TEF: variants seen among roughly 807,000 people sequenced by gnomAD.
TEF encodes the protein TEF transcription factor, PAR bZIP family member.
TEF carries 3 observed loss-of-function variants against 20.8 expected under a neutral mutation model. The observed-to-expected ratio is 0.14, with a 90% confidence interval of 0.07 to 0.37. The LOEUF (loss-of-function observed/expected upper bound fraction) is 0.37. Ranked by LOEUF, TEF falls within the 10% of genes least tolerant of loss-of-function variation. The probability of loss-of-function intolerance (pLI) is 1.00; values close to 1 mark genes in which losing one functional copy is unlikely to be tolerated. For missense variants in TEF, 296 were observed against 397.9 expected (o/e 0.74, Z 2.18); for synonymous variants, 180 against 171.1 (o/e 1.05, Z -0.41).
upstream of TEF, among the ~76,000 whole-genome samples, chr22:41,381,129 C>T (rs928998637): frequency 6.6e-6 from 1 of 152,244 alleles, no homozygotes; most frequent in Non-Finnish European, 1.5e-5. Flanking sequence ...ACACCCCGCT[C>T]TAGGGCGGCC....
intron 1 of TEF, among the ~76,000 whole-genome samples, chr22:41,374,651 G>T (rs1297188356): frequency 6.6e-6 from 1 of 151,654 alleles, no homozygotes; most frequent in African/African-American, 2.4e-5. Context: ...AGCAGTTCAA[G>T]GCTGCAGTGA....
At chr22:41,381,797 C>A (rs2037027750), upstream of TEF, 1 of 1,013,024 alleles carries the variant, frequency 9.9e-7, no homozygotes, top group Non-Finnish European at 1.3e-6. Context: ...GCCCGAGGAT[C>A]TGCGCCTGCC....
At chr22:41,381,740 C>T (rs969719372), upstream of TEF, among the ~76,000 whole-genome samples, 2 of 150,886 alleles carry the variant, frequency 1.3e-5, no homozygotes, top group African/African-American at 2.4e-5. Context: ...GGGTCCTCAC[C>T]TGGCCCCGCA....
At chr22:41,382,357 G>A (rs1029809986) in intron 1 of TEF, among the ~76,000 whole-genome samples, 156 bp downstream of exon 1, 14 of 152,044 alleles carry the variant, frequency 9.2e-5, no homozygotes, top group African/African-American at 3.4e-4. Context: ...GGACGAGGCC[G>A]GGGGGCTGAG....
chr22:41,387,917 G>A (rs2037117602), intron 2 of TEF, among the ~76,000 whole-genome samples: 1 of 150,436 alleles, frequency 6.6e-6, no homozygotes, highest in Non-Finnish European at 1.5e-5. Flanking sequence ...AAACAGTCAG[G>A]ACAGGACCTT....
chr22:41,372,359 T>C (rs2036892222), intron 1 of TEF, among the ~76,000 whole-genome samples: 1 of 152,114 alleles, frequency 6.6e-6, no homozygotes, highest in Non-Finnish European at 1.5e-5. Context: ...TCCAGATGGC[T>C]AGGCTGCTGC....
At chr22:41,370,569 C>T (rs908592658) in intron 1 of TEF, among the ~76,000 whole-genome samples, 1 of 151,980 alleles carries the variant, frequency 6.6e-6, no homozygotes, top group African/African-American at 2.4e-5. Context: ...CCCGCCACCA[C>T]GCCCGGCTAA....
chr22:41,381,234 C>A (rs763935074), upstream of TEF, among the ~76,000 whole-genome samples: 1 of 152,252 alleles, frequency 6.6e-6, no homozygotes, highest in African/African-American at 2.4e-5. Flanking sequence ...GAAGTGCGGG[C>A]TAAGCTCAGC....
At chr22:41,370,470 T>C (rs1201322718) in intron 1 of TEF, among the ~76,000 whole-genome samples, 2 of 145,590 alleles carry the variant, frequency 1.4e-5, no homozygotes, top group Non-Finnish European at 3.0e-5. Context: ...TGGAGTGCAG[T>C]GGTGCAACGT....
At chr22:41,370,088 T>C (rs1040278274) in intron 1 of TEF, 1 of 984,818 alleles carries the variant, frequency 1.0e-6, no homozygotes, top group Non-Finnish European at 1.2e-6. Context: ...GTGCAGCCTC[T>C]CACTCCACTT....
intron 2 of TEF, among the ~76,000 whole-genome samples, chr22:41,392,694 A>AAAT (rs1394197723): frequency 1.4e-5 from 2 of 144,668 alleles, no homozygotes; most frequent in African/African-American, 2.5e-5. Context: ...AAAAAAAAAA[A>AAAT]GACTAAGTGA....
At chr22:41,395,377 T>G (rs1840851245) in intron 3 of TEF, among the ~76,000 whole-genome samples, 1 of 152,118 alleles carries the variant, frequency 6.6e-6, no homozygotes, top group African/African-American at 2.4e-5. Flanking sequence ...GTTTCACTGC[T>G]AGTAATCTTG....
At chr22:41,383,031 C>T (rs986520635) in intron 1 of TEF, 3 of 470,820 alleles carry the variant, frequency 6.4e-6, no homozygotes, top group African/African-American at 2.0e-5. Flanking sequence ...GTGCAGGGAG[C>T]AGCAGGAGGG....
intron 1 of TEF, among the ~76,000 whole-genome samples, chr22:41,373,414 A>C (rs898764878): frequency 1.3e-5 from 2 of 152,224 alleles, no homozygotes; most frequent in African/African-American, 4.8e-5. Context: ...GAAGCCTTAC[A>C]GATAACATCA....
Position 41,395,774 on chromosome 22 carries a change from G to A in TEF, c.726G>A (p.Lys242=), listed in dbSNP as rs1287835688. The change falls in exon 4 of 4, where the codon AAG becomes AAA. Residue 242 remains lysine, a synonymous_variant. Coordinates refer to ENST00000266304, the MANE Select transcript of TEF (RefSeq NM_003216.4). ...AAAAGTACTGGACAAGACGCAAGAA[G>A]AACAACGTGGCAGCTAAACGGTCAC... ...KDEKYWTRRK[K]NNVAAKRSRD... 4 of 1,614,156 alleles carry A rather than the reference G, an allele frequency of 2.5e-6. No homozygotes were observed. The highest frequency in any genetic ancestry group is 3.4e-6 in the Non-Finnish European group (4 of 1,180,032).
chr22:41,367,657 G>T (rs1411253531), intron 1 of TEF: 10 of 1,504,684 alleles, frequency 6.6e-6, no homozygotes, highest in Middle Eastern at 3.4e-4. Flanking sequence ...GGGGCGAGGG[G>T]GCAGCCACAG....
At chr22:41,369,850 T>C in intron 1 of TEF, 1 of 976,948 alleles carries the variant, frequency 1.0e-6, no homozygotes, top group Non-Finnish European at 1.2e-6. Context: ...TGCCCTTGCT[T>C]TGGTGGACTT....
intron 1 of TEF, among the ~76,000 whole-genome samples, chr22:41,374,368 G>A (rs978481158): frequency 6.6e-6 from 1 of 152,046 alleles, no homozygotes; most frequent in Non-Finnish European, 1.5e-5. Flanking sequence ...GGCTAACATG[G>A]TGCAACCCTG....
At chr22:41,389,383 A>G (rs991030045) in intron 2 of TEF, among the ~76,000 whole-genome samples, 16 of 151,884 alleles carry the variant, frequency 1.1e-4, no homozygotes, top group African/African-American at 3.9e-4. Flanking sequence ...CCTGGGCGAC[A>G]GAGCAAGACT....
Sources: allele counts gnomAD v4.1 joint callset (sites outside exome capture counted in the v4.1 genomes callset), GRCh38; gene constraint gnomAD v4.1.1; transcripts MANE v1.5; gene names NCBI Gene and HGNC (gene_info 2026-07-23, HGNC 2026-07-21).